The following NAA11 variants were observed in gnomAD, a reference collection of about 807,000 sequenced individuals.
NAA11 encodes N-alpha-acetyltransferase 11, NatA catalytic subunit.
Under a neutral mutation model 16.1 loss-of-function variants are expected in NAA11, and 15 were observed. That is an observed-to-expected ratio of 0.93 (90% CI 0.62 to 1.44). NAA11 has a LOEUF of 1.44. Ranked by LOEUF, NAA11 falls within the 40% of genes most tolerant of loss-of-function variation. The probability of loss-of-function intolerance (pLI) is 0.00; values close to 1 mark genes in which losing one functional copy is unlikely to be tolerated. For synonymous variants in NAA11, 122 were observed against 112.4 expected (o/e 1.09, Z -0.54); for missense variants, 298 against 291.3 (o/e 1.02, Z -0.17).
At chr4:79,204,071 TA>T in the NAA11 span, among the ~76,000 whole-genome samples, 9 of 151,894 alleles carry the variant, frequency 5.9e-5, no homozygotes, top group African/African-American at 2.2e-4. Flanking sequence ...TAAATTGATA[TA>T]ACTTTTCTGA....
chr4:79,269,712 T>A (rs2109979585), intron 2 of NAA11, among the ~76,000 whole-genome samples: 1 of 142,692 alleles, frequency 7.0e-6, no homozygotes, highest in South Asian at 2.4e-4. Context: ...TTTAATTAGA[T>A]CCCATTTGTC....
intron 2 of NAA11, among the ~76,000 whole-genome samples, chr4:79,239,475 T>G (rs1721642892): frequency 6.6e-6 from 1 of 151,974 alleles, no homozygotes; most frequent in South Asian, 2.1e-4. Flanking sequence ...CTGAAGCATG[T>G]GGATCACTCG....
At chr4:79,242,092 G>T (rs984623381) in intron 2 of NAA11, among the ~76,000 whole-genome samples, 1 of 152,166 alleles carries the variant, frequency 6.6e-6, no homozygotes, top group African/African-American at 2.4e-5. Flanking sequence ...CACGTGAGAG[G>T]CATCTAGTAG....
At chr4:79,193,689 G>T in the NAA11 span, among the ~76,000 whole-genome samples, 1 of 152,164 alleles carries the variant, frequency 6.6e-6, no homozygotes, top group Admixed American at 6.6e-5. Context: ...TTTTGGCTTA[G>T]GATTGATTTG....
the NAA11 span, among the ~76,000 whole-genome samples, chr4:79,170,353 C>T: frequency 0.81 from 123,795 of 152,116 alleles, 52,786 homozygotes; most frequent in East Asian, 1. Context: ...GGGACACATA[C>T]ATTGTATGCC....
At chr4:79,303,616 A>G (rs1723476747) in intron 1 of NAA11, among the ~76,000 whole-genome samples, 1 of 152,220 alleles carries the variant, frequency 6.6e-6, no homozygotes, top group African/African-American at 2.4e-5. Flanking sequence ...CTTTGGTCTG[A>G]GATAAAACAT....
downstream of NAA11, among the ~76,000 whole-genome samples, chr4:79,313,835 T>A (rs141738314): frequency 7.2e-4 from 109 of 152,262 alleles, no homozygotes; most frequent in Admixed American, 1.4e-3. Flanking sequence ...GCCCAGATGG[T>A]GATGGGATAT....
At chr4:79,192,100 T>C in the NAA11 span, among the ~76,000 whole-genome samples, 1 of 152,212 alleles carries the variant, frequency 6.6e-6, no homozygotes, top group Non-Finnish European at 1.5e-5. Flanking sequence ...TAATATAGTT[T>C]GGAGTTGAGT....
the NAA11 span, among the ~76,000 whole-genome samples, chr4:79,165,241 TCATTAA>T: frequency 5.9e-5 from 9 of 152,150 alleles, no homozygotes; most frequent in Non-Finnish European, 1.2e-4. Context: ...AATGGTGAAG[TCATTAA>T]CTGGGACAGG....
chr4:79,225,108 T>G (rs1043453895), downstream of NAA11, among the ~76,000 whole-genome samples: 12 of 152,068 alleles, frequency 7.9e-5, no homozygotes, highest in African/African-American at 2.7e-4. Context: ...TTAGCTAATA[T>G]TATATCAATA....
At chr4:79,242,499 G>T (rs1721721215) in intron 2 of NAA11, among the ~76,000 whole-genome samples, 1 of 152,216 alleles carries the variant, frequency 6.6e-6, no homozygotes, top group Non-Finnish European at 1.5e-5. Context: ...CTTTTCCAAT[G>T]AAGTCTGAAC....
At chr4:79,209,614 T>C in the NAA11 span, among the ~76,000 whole-genome samples, 1 of 152,158 alleles carries the variant, frequency 6.6e-6, no homozygotes. Flanking sequence ...TAAAAGTTAA[T>C]ATATAAGTAG....
At chr4:79,249,475 T>C (rs1721940644) in intron 2 of NAA11, among the ~76,000 whole-genome samples, 1 of 152,182 alleles carries the variant, frequency 6.6e-6, no homozygotes, top group Admixed American at 6.5e-5. Context: ...ATACAATTGC[T>C]AGCATTAACA....
chr4:79,222,044 A>G (rs1721198852), downstream of NAA11, among the ~76,000 whole-genome samples: 5 of 149,864 alleles, frequency 3.3e-5, no homozygotes, highest in Admixed American at 3.3e-4. Flanking sequence ...TTATTGCCAC[A>G]ATTTCAGCTC....
chr4:79,198,442 T>C, the NAA11 span, among the ~76,000 whole-genome samples: 536 of 152,078 alleles, frequency 3.5e-3, no homozygotes, highest in African/African-American at 0.012. Flanking sequence ...TAAGAGATTG[T>C]TGGGAACATC....
chr4:79,294,326 G>A (rs1199702544), intron 1 of NAA11, among the ~76,000 whole-genome samples: 1 of 152,136 alleles, frequency 6.6e-6, no homozygotes, highest in Non-Finnish European at 1.5e-5. Context: ...GAAATACAGG[G>A]TAAAGAAGAA....
intron 2 of NAA11, among the ~76,000 whole-genome samples, chr4:79,254,689 T>G (rs1018921600): frequency 6.7e-6 from 1 of 148,850 alleles, no homozygotes; most frequent in Non-Finnish European, 1.5e-5. Flanking sequence ...TTTAATTTAT[T>G]TATTTACTTT....
At chr4:79,322,646 A>AT (rs536105155) in intron 1 of NAA11, among the ~76,000 whole-genome samples, 14 of 152,036 alleles carry the variant, frequency 9.2e-5, no homozygotes, top group Non-Finnish European at 1.8e-4. Flanking sequence ...GAAAGTTGAA[A>AT]TTTTTTTTAA....
chr4:79,304,587 T>A (rs1327530560), intron 1 of NAA11, among the ~76,000 whole-genome samples: 1 of 152,238 alleles, frequency 6.6e-6, no homozygotes, highest in East Asian at 1.9e-4. Flanking sequence ...GCCAATGAGA[T>A]AATGATATTA....
Sources: allele counts gnomAD v4.1 joint callset (sites outside exome capture counted in the v4.1 genomes callset), GRCh38; gene constraint gnomAD v4.1.1; transcripts MANE v1.5; gene names NCBI Gene and HGNC (gene_info 2026-07-23, HGNC 2026-07-21).